Variants in PNPLA7 observed in about 807,000 individuals in gnomAD.
PNPLA7 encodes patatin-like phospholipase domain-containing protein 7.
A neutral mutation model predicts 161.7 loss-of-function variants in PNPLA7; 153 were observed. The ratio of observed to expected loss-of-function variants is 0.95; its 90% CI spans 0.83 to 1.08. PNPLA7 has a LOEUF of 1.08. Ranked by LOEUF, PNPLA7 falls within the 50% of genes least tolerant of loss-of-function variation. The pLI, the probability that PNPLA7 is intolerant of heterozygous loss-of-function variation, is 0.00. For synonymous variants in PNPLA7, 809 were observed against 782.1 expected (o/e 1.03, Z -0.57); for missense variants, 1,739 against 1,856.6 (o/e 0.94, Z 1.16).
Position 137,484,579 on chromosome 9 carries a change from A to G in PNPLA7, c.2347+8T>C, listed in dbSNP as rs1229052950. 1.3e-6 allele frequency: 2 copies of G among 1,588,478 alleles called. No individual in the cohort carries two copies. Among genetic ancestry groups the G allele is most frequent in the African/African-American group, 2.7e-5 (2 of 74,536 alleles). ...AGGATGGCTGGAGGCTGGGAGGCTC[A>G]GGCTTACCGATGGCGCTGAGGGCAT... On this transcript the variant is annotated splice_region_variant and intron_variant, in intron 21 of 34. Transcript: ENST00000406427.
chr9:137,501,121 G>A (rs62590181), intron 15 of PNPLA7, among the ~76,000 whole-genome samples: 2 of 152,168 alleles, frequency 1.3e-5, no homozygotes, highest in Admixed American at 6.5e-5. Flanking sequence ...TCCGTGCAGC[G>A]AGCCGGGCCT....
Position 137,498,256 on chromosome 9 carries a change from G to T in PNPLA7, c.1758-11C>A, listed in dbSNP as rs767191294. Reference sequence around the variant, plus strand: ...TGCTTCCGCATGATTCTGCCGGGCAGCCCAGAGTCAATCCTGCCCCATCCC... The same window carrying T: ...TGCTTCCGCATGATTCTGCCGGGCATCCCAGAGTCAATCCTGCCCCATCCC... On this transcript the variant is annotated splice_polypyrimidine_tract_variant and intron_variant, in intron 16 of 34. Coordinates refer to ENST00000406427, the MANE Select transcript of PNPLA7 (RefSeq NM_001098537.3). 6.2e-7 allele frequency: 1 copy of T among 1,608,922 alleles called. No individual in the cohort carries two copies. The highest frequency in any genetic ancestry group is 2.2e-5 in the East Asian group (1 of 44,876).
At chr9:137,534,790 C>G (rs1835796467) in intron 8 of PNPLA7, among the ~76,000 whole-genome samples, 2 of 152,230 alleles carry the variant, frequency 1.3e-5, no homozygotes. Context: ...TTCCAGTAAT[C>G]TAGATTACCT....
chr9:137,461,214 A>G, intron 33 of PNPLA7: 1 of 365,774 alleles, frequency 2.7e-6, no homozygotes, highest in Non-Finnish European at 5.1e-6. Flanking sequence ...CGGCCCCTCC[A>G]ACAAGCAGCC....
At chr9:137,473,806 G>C (rs370693945) in intron 25 of PNPLA7, among the ~76,000 whole-genome samples, 69 of 151,340 alleles carry the variant, frequency 4.6e-4, no homozygotes, top group African/African-American at 1.7e-3. Flanking sequence ...ATTACCAAGG[G>C]TCGGTGGGGA....
intron 8 of PNPLA7, among the ~76,000 whole-genome samples, chr9:137,530,943 C>T (rs1045435929): frequency 6.6e-6 from 1 of 152,132 alleles, no homozygotes; most frequent in Non-Finnish European, 1.5e-5. Context: ...CACAACTGGC[C>T]GACACTCAGG....
In PNPLA7 at chr9:137,478,047, C is replaced by T. The variant is rs1367149812; in HGVS notation, c.2869G>A (p.Gly957Arg). ...GGGGGGACTCACCTTGCTCCCCCTC[C>T]CCCAAGCACCAGGGCAATGGCGTTG... The part of the protein sequence containing the change: ...TGNAIALVLG[G>R]GGARGCAQVG... The change falls in exon 25 of 35, where the codon GGA becomes AGA. Residue 957 changes from glycine to arginine, a missense_variant. Gly to Arg is a moderately radical substitution (Grantham distance 125, BLOSUM62 -2). Around this residue, in one of 6 missense-constraint regions of PNPLA7, gnomAD observed 703 missense variants for 694.6 expected, o/e 1.01. Coordinates refer to ENST00000406427, the MANE Select transcript of PNPLA7 (RefSeq NM_001098537.3). The T allele has an allele frequency of 1.4e-6, 2 of 1,432,802 alleles. No individual in the cohort carries two copies. The highest frequency in any genetic ancestry group is 1.5e-5 in the African/African-American group (1 of 67,278). 88.8% of individuals were successfully genotyped at this position (1,432,802 alleles called of 1,614,324 possible).
rs542370684 is a variant in PNPLA7, at chr9:137,525,204, G to A, written c.748-2347C>T. ...TCACACAGCCAAAGTTCAGGCAAAC[G>A]TCCCTGGGTGGCAACACACATCAGT... On this transcript the variant is annotated intron_variant, in intron 8 of 34. Transcript: ENST00000406427. 2.6e-5 allele frequency among the ~76,000 whole-genome samples: 4 copies of A among 152,314 alleles called. 1 individual carries two copies. The highest frequency in any genetic ancestry group is 3.9e-4 in the East Asian group (2 of 5,184).
At position 137,500,316 on chromosome 9, in the gene PNPLA7, C is replaced by G. The variant is rs898711508; in HGVS notation, c.1757+375G>C. ...GTCAGCCCAGGCTGCAGAGGTGGGA[C>G]GGCTCACGGCCCCTGAAGCCCGGCC... On this transcript the variant is annotated intron_variant, in intron 16 of 34. Coordinates refer to ENST00000406427, the MANE Select transcript of PNPLA7 (RefSeq NM_001098537.3). This position sits in a 1 kb window ranked among gnomAD's most constrained non-coding sequence, Gnocchi z 5.5. 6.7e-6 allele frequency among the ~76,000 whole-genome samples: 1 copy of G among 150,030 alleles called. No individual in the cohort carries two copies. The highest frequency in any genetic ancestry group is 2.1e-4 in the South Asian group (1 of 4,828).
intron 23 of PNPLA7, chr9:137,479,960 A>G: frequency 1.1e-6 from 1 of 926,062 alleles, no homozygotes; most frequent in African/African-American, 1.8e-5. Flanking sequence ...CGACGCCGAC[A>G]CCTAAGTGCT....
At position 137,516,268 on chromosome 9, in the gene PNPLA7, G is replaced by T. The variant is rs188044187; in HGVS notation, c.1085-749C>A. ...TTGGTGGATGTGGCTGTCTGGGCTC[G>T]CCTGGGATGGGCCACGCAGGGCTGC... On this transcript the variant is annotated intron_variant, in intron 11 of 34. Coordinates refer to ENST00000406427, the MANE Select transcript of PNPLA7 (RefSeq NM_001098537.3). 1.1e-5 allele frequency: 11 copies of T among 967,302 alleles called. No homozygotes were observed. The East Asian group carries it at 3.5e-4, about 31-fold the overall frequency. 59.9% of individuals were successfully genotyped at this position (967,302 alleles called of 1,614,324 possible). A position where few individuals can be genotyped will look rare whatever the true frequency, so the allele number is the denominator to read the frequency against.
chr9:137,470,212 C>G (rs1479130980), intron 25 of PNPLA7, among the ~76,000 whole-genome samples: 1 of 152,126 alleles, frequency 6.6e-6, no homozygotes, highest in Non-Finnish European at 1.5e-5. Context: ...GATGGGGTCT[C>G]ACTATGTTGC....
At position 137,543,677 on chromosome 9, in the gene PNPLA7, C is replaced by T. The variant is rs1307451134; in HGVS notation, c.365+47G>A. 4 of 1,612,696 alleles carry T rather than the reference C, an allele frequency of 2.5e-6. No homozygotes were observed. The highest frequency in any genetic ancestry group is 3.4e-6 in the Non-Finnish European group (4 of 1,178,938). On this transcript the variant is annotated intron_variant, in intron 5 of 34. Transcript: ENST00000406427. This position sits in a 1 kb window ranked among gnomAD's most constrained non-coding sequence, Gnocchi z 6.9. ...AGCTCAGGGTTGGGGAGGCCAGCAC[C>T]ATGGGGGGCACCTGGGGCAGGATGT...
At chr9:137,507,834 G>A (rs1834002646) in intron 12 of PNPLA7, among the ~76,000 whole-genome samples, 2 of 152,130 alleles carry the variant, frequency 1.3e-5, no homozygotes, top group Admixed American at 6.5e-5. Context: ...CGGAAGGATC[G>A]CTTGAGCCCA....
chr9:137,492,344 G>A (rs941315714), intron 20 of PNPLA7: 18 of 984,524 alleles, frequency 1.8e-5, no homozygotes, highest in African/African-American at 5.3e-5. Flanking sequence ...AAAATAGGAG[G>A]GAGATATATC....
In PNPLA7 at chr9:137,480,483, G is replaced by C; in HGVS notation, c.2412-3C>G. On this transcript the variant is annotated splice_region_variant and splice_polypyrimidine_tract_variant and intron_variant, in intron 22 of 34. Transcript: ENST00000406427. ...TGGACAGCCGGTACTCGTGAACACT[G>C]CAGCACGCAGAGGGAGTACCTCACT... 1 of 1,604,002 alleles carries C rather than the reference G, an allele frequency of 6.2e-7. No individual in the cohort carries two copies. Among genetic ancestry groups the C allele is most frequent in the South Asian group, 1.1e-5 (1 of 90,404 alleles).
chr9:137,505,481 G>A (rs900924053), intron 14 of PNPLA7, 133 bp downstream of exon 14: 1 of 1,049,314 alleles, frequency 9.5e-7, no homozygotes, highest in Non-Finnish European at 1.4e-6. Flanking sequence ...AGACAAGCAA[G>A]CCTGCACTCC....
intron 20 of PNPLA7, 48 bp from the exon 21 acceptor site, chr9:137,484,784 A>C (rs1412169177): frequency 1.3e-6 from 2 of 1,513,854 alleles, no homozygotes; most frequent in Non-Finnish European, 1.8e-6. Context: ...ACACGCTCAC[A>C]GATGCCTCCA....
At chr9:137,505,122 A>G (rs1006633591) in intron 14 of PNPLA7, among the ~76,000 whole-genome samples, 18 of 123,414 alleles carry the variant, frequency 1.5e-4, no homozygotes, top group Non-Finnish European at 2.7e-4. Context: ...CAAGAGGTGG[A>G]GGTTGCAGTG....
Sources: gnomAD v4.1 joint callset for allele counts (sites outside exome capture counted in the v4.1 genomes callset) on GRCh38, gnomAD v4.1.1 for gene constraint, gnomAD v4.1.1 regional missense constraint, Gnocchi (gnomAD v3.1) non-coding constraint, MANE v1.5 for transcripts, NCBI Gene and HGNC (gene_info 2026-07-23, HGNC 2026-07-21) for gene names.